Variants in KIF2A observed in about 807,000 individuals in gnomAD.
KIF2A encodes kinesin family member 2A, also known as kinesin-like protein KIF2A.
KIF2A carries 22 observed loss-of-function variants against 100.2 expected under a neutral mutation model. That is an observed-to-expected ratio of 0.22 (90% confidence interval 0.16 to 0.31). The LOEUF (loss-of-function observed/expected upper bound fraction) is 0.31. Ranked by LOEUF, KIF2A falls within the 10% of genes least tolerant of loss-of-function variation. The probability of loss-of-function intolerance (pLI) is 1.00; values close to 1 mark genes in which losing one functional copy is unlikely to be tolerated. For missense variants in KIF2A, 495 were observed against 898.7 expected (o/e 0.55, Z 5.74); for synonymous variants, 268 against 285.9 (o/e 0.94, Z 0.63).
intron 14 of KIF2A, 151 bp from the exon 15 acceptor site, chr5:62,365,092 C>CA (rs200185370): frequency 0.011 from 4,252 of 396,314 alleles, no homozygotes; most frequent in South Asian, 0.015. Flanking sequence ...GACTTTGTCT[C>CA]AAAAAAAAAA....
chr5:62,386,673 C>T lies in KIF2A; in HGVS notation c.*1104C>T, dbSNP rs541830827. ...ATTAAGTTGAAAGAGTTGACTTTGC[C>T]TTAAAAGGCAGATCTAACCCAAGCT... On this transcript the variant is annotated 3_prime_UTR_variant, in exon 21 of 21. Coordinates refer to ENST00000407818, the MANE Select transcript of KIF2A (RefSeq NM_001098511.3). 6.6e-6 allele frequency among the ~76,000 whole-genome samples: 1 copy of T among 152,204 alleles called. No individual in the cohort carries two copies. The highest frequency in any genetic ancestry group is 2.1e-4 in the South Asian group (1 of 4,828).
intron 1 of KIF2A, among the ~76,000 whole-genome samples, chr5:62,317,204 G>A (rs543493881): frequency 6.6e-6 from 1 of 151,906 alleles, no homozygotes; most frequent in Admixed American, 6.6e-5. Flanking sequence ...ATGCGCCACC[G>A]TGCCCAGCTA....
At chr5:62,350,204 C>T in intron 4 of KIF2A, 84 bp downstream of exon 4, 1 of 709,732 alleles carries the variant, frequency 1.4e-6, no homozygotes, top group Non-Finnish European at 2.3e-6. Flanking sequence ...AAACATTACC[C>T]TTGATGTTGG....
At chr5:62,353,907 G>A (rs1456454566) in intron 6 of KIF2A, among the ~76,000 whole-genome samples, 1 of 151,714 alleles carries the variant, frequency 6.6e-6, no homozygotes, top group African/African-American at 2.4e-5. Flanking sequence ...TGGGAAAATT[G>A]CATAGAAAAC....
At position 62,331,776 on chromosome 5, in the gene KIF2A, C is replaced by A. The variant is rs199837159; in HGVS notation, c.65-15354C>A. On this transcript the variant is annotated intron_variant, in intron 1 of 20. Coordinates refer to ENST00000407818, the MANE Select transcript of KIF2A (RefSeq NM_001098511.3). ...GAAATAGAAACGAAAAAAAAAAAAA[C>A]AACATAGAGTTTGTAATCCTAGGTA... is the stretch of plus-strand genomic sequence containing the variant. 4.6e-3 allele frequency among the ~76,000 whole-genome samples: 512 copies of A among 110,624 alleles called. 4 individuals carry two copies. Among genetic ancestry groups the A allele is most frequent in the African/African-American group, 0.016 (482 of 29,604 alleles). The allele number at this position is 110,624 out of a possible 152,430, so 72.6% of individuals were successfully genotyped here.
intron 18 of KIF2A, among the ~76,000 whole-genome samples, chr5:62,376,386 C>G (rs921630815): frequency 6.6e-6 from 1 of 151,402 alleles, no homozygotes; most frequent in Admixed American, 6.6e-5. Flanking sequence ...AAGACACGCT[C>G]TAGAGATCGG....
At position 62,386,567 on chromosome 5, in the gene KIF2A, T is replaced by C. The variant is rs1228677374; in HGVS notation, c.*998T>C. ...GAAATTGGCTTCTGATGCATGAACA[T>C]TTACATGTACATTGAAAGTAGTCCA... On this transcript the variant is annotated 3_prime_UTR_variant, in exon 21 of 21. Transcript: ENST00000407818. 6.6e-6 allele frequency among the ~76,000 whole-genome samples: 1 copy of C among 152,220 alleles called. No homozygotes were observed. Among genetic ancestry groups the C allele is most frequent in the East Asian group, 1.9e-4 (1 of 5,200 alleles).
intron 1 of KIF2A, among the ~76,000 whole-genome samples, chr5:62,310,978 G>A (rs183546006): frequency 1.3e-5 from 2 of 152,090 alleles, no homozygotes; most frequent in African/African-American, 4.8e-5. Context: ...AGCTAATATG[G>A]GATTGTTCTT....
intron 1 of KIF2A, among the ~76,000 whole-genome samples, chr5:62,309,833 T>C (rs1035499684): frequency 1.3e-5 from 2 of 152,174 alleles, no homozygotes; most frequent in East Asian, 1.9e-4. Context: ...TTCAAGACCA[T>C]GATGAAAACT....
intron 1 of KIF2A, among the ~76,000 whole-genome samples, chr5:62,330,739 A>G (rs1271313752): frequency 1.3e-5 from 2 of 152,170 alleles, no homozygotes; most frequent in African/African-American, 4.8e-5. Context: ...CTTTTAAATT[A>G]TTTGGTGGTA....
At chr5:62,306,824 T>G in intron 1 of KIF2A, 1 of 416,060 alleles carries the variant, frequency 2.4e-6, no homozygotes, top group Non-Finnish European at 4.3e-6. Context: ...CGAGGGCCGC[T>G]CGCTCCTCCT....
At chr5:62,312,651 G>T (rs1026753452) in intron 1 of KIF2A, among the ~76,000 whole-genome samples, 4 of 152,172 alleles carry the variant, frequency 2.6e-5, no homozygotes, top group African/African-American at 9.7e-5. Flanking sequence ...AGGTTAAGTT[G>T]TCTTCCAGCT....
At chr5:62,322,380 A>G (rs1021645860) in intron 1 of KIF2A, among the ~76,000 whole-genome samples, 2 of 152,012 alleles carry the variant, frequency 1.3e-5, no homozygotes, top group Non-Finnish European at 2.9e-5. Flanking sequence ...TTTAATTTTG[A>G]TTAAGTCCAG....
intron 7 of KIF2A, among the ~76,000 whole-genome samples, chr5:62,355,683 G>A (rs923881271): frequency 6.6e-6 from 1 of 152,140 alleles, no homozygotes; most frequent in Non-Finnish European, 1.5e-5. Context: ...TTAACAATAA[G>A]TGATGGTTGT....
chr5:62,317,135 G>T (rs1465280722), intron 1 of KIF2A, among the ~76,000 whole-genome samples: 1 of 150,562 alleles, frequency 6.6e-6, no homozygotes, highest in Non-Finnish European at 1.5e-5. Flanking sequence ...TGCAACCTCT[G>T]CCTCCCGAGT....
chr5:62,315,743 TA>T (rs1745789460), intron 1 of KIF2A, among the ~76,000 whole-genome samples: 1 of 151,990 alleles, frequency 6.6e-6, no homozygotes, highest in Non-Finnish European at 1.5e-5. Flanking sequence ...GAAACTACTA[TA>T]GGACTTAATC....
chr5:62,313,978 G>GAT (rs956442361), intron 1 of KIF2A, among the ~76,000 whole-genome samples: 5 of 152,032 alleles, frequency 3.3e-5, no homozygotes, highest in African/African-American at 1.2e-4. Context: ...TGTTTGTAGA[G>GAT]ATGGGGTCTT....
rs1281934793 is a variant in KIF2A at position 62,385,860 on chromosome 5, G to T, written c.*291G>T. 9 of 364,272 alleles carry T rather than the reference G, an allele frequency of 2.5e-5. No individual in the cohort carries two copies. Among genetic ancestry groups the T allele is most frequent in the Non-Finnish European group, 4.1e-5 (8 of 194,856 alleles). 22.6% of individuals were successfully genotyped at this position (364,272 alleles called of 1,614,324 possible). A position where few individuals can be genotyped will look rare whatever the true frequency, so the allele number is the denominator to read the frequency against. ...TTTTATTTTCTATTTGATGAAGTAA[G>T]ACTGTGGACTCAATCCAGAGCCAGA... On this transcript the variant is annotated 3_prime_UTR_variant, in exon 21 of 21. Transcript: ENST00000407818.
intron 9 of KIF2A, among the ~76,000 whole-genome samples, chr5:62,359,218 C>T (rs1412431610): frequency 6.6e-6 from 1 of 152,058 alleles, no homozygotes; most frequent in African/African-American, 2.4e-5. Flanking sequence ...CGTAAGTTTG[C>T]AAACATTCAT....
Sources: allele counts gnomAD v4.1 joint callset (sites outside exome capture counted in the v4.1 genomes callset), GRCh38; gene constraint gnomAD v4.1.1; transcripts MANE v1.5; gene names NCBI Gene and HGNC (gene_info 2026-07-23, HGNC 2026-07-21).